MGAM2: variants seen among roughly 807,000 people sequenced by gnomAD.
MGAM2 encodes probable maltase-glucoamylase 2.
A neutral mutation model predicts 96.1 loss-of-function variants in MGAM2; 98 were observed. That is an observed-to-expected ratio of 1.02 (90% CI 0.87 to 1.21). MGAM2 has a LOEUF of 1.21. MGAM2 is among the 50% of genes most tolerant of loss of function. The pLI is 0.00. For synonymous variants in MGAM2, 749 were observed against 414.8 expected, an observed-to-expected ratio of 1.81 and a Z score of -9.79; for missense variants, 2,055 against 1,182.4, an observed-to-expected ratio of 1.74 and a Z score of -10.82.
At chr7:142,161,096 C>G (rs1407310945) in intron 21 of MGAM2, 29 bp from the exon 22 acceptor site, 1 of 701,354 alleles carries the variant, frequency 1.4e-6, no homozygotes, top group Admixed American at 2.0e-5. Flanking sequence ...CATCTACATT[C>G]TCTGAAACTG....
At chr7:142,121,805 A>C (rs1411138799) in intron 3 of MGAM2, among the ~76,000 whole-genome samples, 1 of 151,460 alleles carries the variant, frequency 6.6e-6, no homozygotes, top group Non-Finnish European at 1.5e-5. Context: ...ATAGAATTAT[A>C]TTATAGGAAA....
At chr7:142,115,372 T>G (rs1290672850) in intron 1 of MGAM2, among the ~76,000 whole-genome samples, 6 of 152,170 alleles carry the variant, frequency 3.9e-5, no homozygotes, top group African/African-American at 1.2e-4. Context: ...TTTGGATGGA[T>G]AGTTTCATCC....
chr7:142,154,777 T>C lies in MGAM2; in HGVS notation c.1855T>C (p.Cys619Arg), dbSNP rs774919724. 4.1e-4 allele frequency: 290 copies of C among 703,390 alleles called. 1 individual carries two copies. The highest frequency in any genetic ancestry group is 6.4e-4 in the Non-Finnish European group (245 of 385,116). 43.6% of individuals were successfully genotyped at this position (703,390 alleles called of 1,614,324 possible). The part of the protein sequence containing the change: ...GYNNNVTEEL[C>R]RRWMQLGAFY... ...TAACAACAATGTCACAGAGGAGCTCTGCAGAAGGTGGATGCAGCTTGGAGC... is the reference window on the plus strand; with the variant it reads ...TAACAACAATGTCACAGAGGAGCTCCGCAGAAGGTGGATGCAGCTTGGAGC... The change falls in exon 17 of 48, where the codon TGC (cysteine) becomes CGC (arginine). Residue 619 changes from cysteine to arginine, a missense_variant. By Grantham distance (180) the Cys-to-Arg change is radical. Coordinates refer to ENST00000477922, the MANE Select transcript of MGAM2 (RefSeq NM_001293626.2).
At position 142,134,053 on chromosome 7, in the gene MGAM2, C is replaced by A. The variant is rs749032643; in HGVS notation, c.648C>A (p.Ala216=). The change falls in exon 7 of 48, where the codon GCC becomes GCA. Residue 216 remains alanine (A), a synonymous_variant. Coordinates refer to ENST00000477922, the MANE Select transcript of MGAM2 (RefSeq NM_001293626.2). ...YLQLSFRLPS[A]NVYGLGEHVH... ...AACTGTCTTTCCGACTGCCCAGTGC[C>A]AATGTGTATGGGCTGGGAGAGCATG... 1 of 759,570 alleles carries A rather than the reference C, an allele frequency of 1.3e-6. No individual in the cohort carries two copies. The highest frequency in any genetic ancestry group is 1.4e-5 in the South Asian group (1 of 73,524). 47.1% of individuals were successfully genotyped at this position (759,570 alleles called of 1,614,324 possible).
chr7:142,169,417 T>C (rs1281450332), intron 26 of MGAM2, among the ~76,000 whole-genome samples: 4 of 151,552 alleles, frequency 2.6e-5, no homozygotes, highest in East Asian at 3.9e-4. Context: ...TGAGAATCCA[T>C]CTAAAAATAA....
At chr7:142,126,306 T>A (rs1327933267) in intron 3 of MGAM2, among the ~76,000 whole-genome samples, 1 of 152,096 alleles carries the variant, frequency 6.6e-6, no homozygotes, top group Non-Finnish European at 1.5e-5. Flanking sequence ...CTATGTTTTT[T>A]AAATGAAATG....
At chr7:142,209,151 G>A (rs897248661) in intron 46 of MGAM2, among the ~76,000 whole-genome samples, 7 of 152,154 alleles carry the variant, frequency 4.6e-5, no homozygotes, top group South Asian at 2.1e-4. Flanking sequence ...TATCTGGGGG[G>A]TCAGCTGACT....
Position 142,164,908 on chromosome 7 carries a change from T to C in MGAM2, c.2537T>C (p.Leu846Pro). The C allele has an allele frequency of 1.4e-6, 1 of 702,636 alleles. No individual in the cohort carries two copies. The highest frequency in any genetic ancestry group is 2.6e-6 in the Non-Finnish European group (1 of 384,842). 43.5% of individuals were successfully genotyped at this position (702,636 alleles called of 1,614,324 possible). A position where few individuals can be genotyped will look rare whatever the true frequency, so the allele number is the denominator to read the frequency against. The change falls in exon 24 of 48, where the codon CTC (leucine) becomes CCC (proline). Residue 846 changes from leucine to proline, a missense_variant. Physicochemically the swap from Leu to Pro is moderately conservative, Grantham distance 98 (BLOSUM62 -3). Transcript: ENST00000477922. ...INNNYMDTDN[L>P]MFTDITILGM... ...AATAATTATATGGACACTGACAACC[T>C]CATGTTCACAGATATCACAATCTTG...
intron 45 of MGAM2, among the ~76,000 whole-genome samples, chr7:142,200,603 C>T (rs899794193): frequency 2.0e-5 from 3 of 152,174 alleles, no homozygotes; most frequent in South Asian, 2.1e-4. Context: ...AGCTGACTCT[C>T]ACTTTTCACT....
At position 142,166,183 on chromosome 7, in the gene MGAM2, AG is replaced by A. The variant is rs1288377003; in HGVS notation, c.2739del (p.Lys913AsnfsTer50). The A allele has an allele frequency of 1.4e-6, 1 of 702,650 alleles. No homozygotes were observed. The highest frequency in any genetic ancestry group is 2.6e-6 in the Non-Finnish European group (1 of 384,818). The allele number at this position is 702,650 out of a possible 1,614,324, so 43.5% of individuals were successfully genotyped here. ...AATCTTCCTGTCAGTGACCTGGAGA[AG>A]TTCAACTGCTACCCTGATGATCCAA... ...RWNLPVSDLE[K>X]FNCYPDDPTA... On this transcript the variant is annotated frameshift_variant, in exon 25 of 48. Coordinates refer to ENST00000477922, the MANE Select transcript of MGAM2 (RefSeq NM_001293626.2). LOFTEE classifies it high-confidence loss of function.
At chr7:142,169,360 C>T (rs10268907) in intron 26 of MGAM2, among the ~76,000 whole-genome samples, 78,963 of 151,728 alleles carry the variant, frequency 0.52, 21,543 homozygotes, top group East Asian at 0.75. Flanking sequence ...TGGTGGAGAT[C>T]GCAGTAAGCC....
chr7:142,116,986 G>T lies in MGAM2; in HGVS notation c.106+7G>T, dbSNP rs1167191969. 1.4e-6 allele frequency: 1 copy of T among 703,050 alleles called. No homozygotes were observed. The allele number at this position is 703,050 out of a possible 1,614,324, so 43.6% of individuals were successfully genotyped here. ...GTGTTGGAGGAAACTTCAGGTAAGGGAGATGCTTGTAGGTTGGAAGGCTGG... is the reference window on the plus strand; with the variant it reads ...GTGTTGGAGGAAACTTCAGGTAAGGTAGATGCTTGTAGGTTGGAAGGCTGG... On this transcript the variant is annotated splice_region_variant and intron_variant, in intron 2 of 47. Transcript: ENST00000477922.
intron 15 of MGAM2, among the ~76,000 whole-genome samples, chr7:142,150,307 G>A (rs892193181): frequency 6.6e-6 from 1 of 152,180 alleles, no homozygotes; most frequent in African/African-American, 2.4e-5. Context: ...TCTCAAGTGA[G>A]AAGCATGAAG....
intron 46 of MGAM2, among the ~76,000 whole-genome samples, chr7:142,210,485 A>G (rs1416159289): frequency 6.6e-6 from 1 of 152,260 alleles, no homozygotes; most frequent in East Asian, 1.9e-4. Context: ...TGACGTGGGA[A>G]GCTCGAGTTT....
chr7:142,218,276 A>G, intron 46 of MGAM2, 85 bp from the exon 47 acceptor site: 1 of 488,756 alleles, frequency 2.0e-6, no homozygotes, highest in East Asian at 3.1e-5. Flanking sequence ...ACAAAAGTAA[A>G]TTTAGGTTTG....
At chr7:142,134,642 C>T (rs1211137342) in intron 7 of MGAM2, among the ~76,000 whole-genome samples, 1 of 152,012 alleles carries the variant, frequency 6.6e-6, no homozygotes, top group South Asian at 2.1e-4. Context: ...AATCTCAGGC[C>T]ATAGCCCAGA....
intron 13 of MGAM2, chr7:142,144,094 G>T: frequency 2.9e-6 from 1 of 344,160 alleles, no homozygotes; most frequent in Non-Finnish European, 5.3e-6. Flanking sequence ...TTCATCAACT[G>T]GTTATTTCAT....
chr7:142,206,589 C>T (rs1296269461), intron 45 of MGAM2, among the ~76,000 whole-genome samples: 3 of 152,076 alleles, frequency 2.0e-5, no homozygotes, highest in Non-Finnish European at 4.4e-5. Context: ...AATCAACCCC[C>T]TATGAGCAAT....
intron 33 of MGAM2, among the ~76,000 whole-genome samples, chr7:142,184,745 T>C (rs1285712259): frequency 3.3e-5 from 5 of 152,258 alleles, no homozygotes; most frequent in Admixed American, 3.3e-4. Context: ...TCACACTTCA[T>C]ACTTATTATG....
Sources: allele counts gnomAD v4.1 joint callset (sites outside exome capture counted in the v4.1 genomes callset), GRCh38; gene constraint gnomAD v4.1.1; transcripts MANE v1.5; gene names NCBI Gene and HGNC (gene_info 2026-07-23, HGNC 2026-07-21).